The following MKLN1 variants were observed in gnomAD, a reference collection of about 807,000 sequenced individuals.
The protein encoded by MKLN1 is muskelin.
Under a neutral mutation model 99.0 loss-of-function variants are expected in MKLN1, and 18 were observed. That is an observed-to-expected ratio of 0.18 (90% confidence interval 0.13 to 0.27). The LOEUF is 0.27. Among genes scored for constraint, MKLN1 ranks in the 10% least tolerant of loss-of-function variants. The probability of loss-of-function intolerance (pLI) is 1.00; values close to 1 mark genes in which losing one functional copy is unlikely to be tolerated. For missense variants in MKLN1, 621 were observed against 875.9 expected, an observed-to-expected ratio of 0.71 and a Z score of 3.67; for synonymous variants, 288 against 293.2, an observed-to-expected ratio of 0.98 and a Z score of 0.18.
chr7:131,244,922 G>A (rs1436861821), intron 3 of MKLN1, among the ~76,000 whole-genome samples: 1 of 152,062 alleles, frequency 6.6e-6, no homozygotes, highest in East Asian at 1.9e-4. Flanking sequence ...CCTACACGGC[G>A]GCACCCTTTC....
At chr7:131,213,459 C>T (rs1247562381) in intron 3 of MKLN1, among the ~76,000 whole-genome samples, 1 of 152,138 alleles carries the variant, frequency 6.6e-6, no homozygotes, top group Non-Finnish European at 1.5e-5. Flanking sequence ...TGGTGCACAC[C>T]ATGTGAGGTT....
At chr7:131,215,529 G>T (rs923607920) in intron 3 of MKLN1, among the ~76,000 whole-genome samples, 6 of 149,532 alleles carry the variant, frequency 4.0e-5, no homozygotes, top group African/African-American at 2.5e-5. Flanking sequence ...ATTATCCGGG[G>T]ATCTTGCCCA....
chr7:131,477,810 T>C (rs1797009034), intron 16 of MKLN1, among the ~76,000 whole-genome samples: 1 of 152,228 alleles, frequency 6.6e-6, no homozygotes, highest in African/African-American at 2.4e-5. Flanking sequence ...ACTGCTCAAG[T>C]CTTGGGAAGT....
intron 3 of MKLN1, among the ~76,000 whole-genome samples, chr7:131,262,869 C>G (rs994322859): frequency 7.9e-5 from 12 of 152,074 alleles, no homozygotes; most frequent in Admixed American, 3.9e-4. Flanking sequence ...TCTTAAGGCT[C>G]TTTATTTAGA....
chr7:131,455,700 A>G (rs1011272558), intron 12 of MKLN1, among the ~76,000 whole-genome samples: 3 of 152,160 alleles, frequency 2.0e-5, no homozygotes, highest in Non-Finnish European at 4.4e-5. Context: ...AAAATCGTTT[A>G]TGTTGCAGGT....
chr7:131,328,404 C>CG (rs1175551133), intron 1 of MKLN1, among the ~76,000 whole-genome samples: 1 of 152,108 alleles, frequency 6.6e-6, no homozygotes, highest in Non-Finnish European at 1.5e-5. Context: ...TGGTCGGCGT[C>CG]GGGGGACAGT....
chr7:131,133,354 T>TTTC (rs1795590275), intron 1 of MKLN1, among the ~76,000 whole-genome samples: 2 of 34,650 alleles, frequency 5.8e-5, no homozygotes, highest in South Asian at 4.1e-3. Flanking sequence ...TCTTTCTTTC[T>TTTC]TTTTTTTTTT....
chr7:131,239,295 G>A (rs946262713), intron 3 of MKLN1, among the ~76,000 whole-genome samples: 2 of 151,462 alleles, frequency 1.3e-5, no homozygotes, highest in Non-Finnish European at 2.9e-5. Flanking sequence ...CGTATTATGT[G>A]TTACCTCATA....
At chr7:131,259,075 C>A (rs919583442) in intron 3 of MKLN1, among the ~76,000 whole-genome samples, 1 of 152,082 alleles carries the variant, frequency 6.6e-6, no homozygotes, top group South Asian at 2.1e-4. Context: ...TGGGTTGAAA[C>A]TTCTTCTCCA....
intron 1 of MKLN1, among the ~76,000 whole-genome samples, chr7:131,136,335 TG>T (rs1563227569): frequency 1.3e-5 from 2 of 152,226 alleles, no homozygotes; most frequent in Non-Finnish European, 2.9e-5. Flanking sequence ...TTGAAAATGC[TG>T]TACTTCAAAA....
At chr7:131,446,331 A>G (rs1796017035) in intron 12 of MKLN1, among the ~76,000 whole-genome samples, 2 of 152,312 alleles carry the variant, frequency 1.3e-5, no homozygotes, top group South Asian at 2.1e-4. Flanking sequence ...CTCAGCATCT[A>G]GGAGGTTATT....
chr7:131,169,593 A>G (rs1182137348), intron 2 of MKLN1, among the ~76,000 whole-genome samples: 1 of 152,216 alleles, frequency 6.6e-6, no homozygotes, highest in African/African-American at 2.4e-5. Context: ...ATTTTTTGAT[A>G]AAGCAAAATT....
chr7:131,252,329 CTTT>C (rs60581249), intron 3 of MKLN1, among the ~76,000 whole-genome samples: 4 of 118,530 alleles, frequency 3.4e-5, no homozygotes, highest in African/African-American at 9.5e-5. Context: ...TTTTTCTTTT[CTTT>C]TTTTTTTTTT....
chr7:131,244,677 G>GTGATGACGA (rs950084419), intron 3 of MKLN1, among the ~76,000 whole-genome samples: 1 of 152,198 alleles, frequency 6.6e-6, no homozygotes, highest in African/African-American at 2.4e-5. Context: ...GGTGATGACG[G>GTGATGACGA]TGATGACGAT....
intron 2 of MKLN1, among the ~76,000 whole-genome samples, chr7:131,188,769 T>A (rs569877106): frequency 6.6e-6 from 1 of 152,062 alleles, no homozygotes; most frequent in African/African-American, 2.4e-5. Flanking sequence ...ATGTTTGAAA[T>A]CACAAACAAT....
Position 131,226,333 on chromosome 7 carries a change from A to G in MKLN1, c.-179+23359A>G, listed in dbSNP as rs546116680. Among the ~76,000 whole-genome samples the G allele has an allele frequency of 6.8e-4, 104 of 152,336 alleles. 1 individual carries two copies. The highest frequency in any genetic ancestry group is 2.5e-3 in the African/African-American group (102 of 41,590). ...CAGTCTTTCAGAACTGCTGACTTCT[A>G]GTGCTTTTGAGTTCTGTGCTAGGAA... On this transcript the variant is annotated intron_variant, in intron 3 of 7. Transcript: ENST00000416992.
chr7:131,280,038 C>A (rs1798028601), intron 3 of MKLN1, among the ~76,000 whole-genome samples: 2 of 152,248 alleles, frequency 1.3e-5, no homozygotes, highest in African/African-American at 4.8e-5. Context: ...CTATTCTGGA[C>A]ATTTGGTATA....
chr7:131,463,969 A>G (rs1483549098), intron 13 of MKLN1, among the ~76,000 whole-genome samples: 1 of 152,222 alleles, frequency 6.6e-6, no homozygotes, highest in African/African-American at 2.4e-5. Flanking sequence ...GTCAAATGAC[A>G]GCAATGTATA....
chr7:131,408,739 G>T (rs1794782878), intron 6 of MKLN1, among the ~76,000 whole-genome samples: 1 of 152,130 alleles, frequency 6.6e-6, no homozygotes, highest in African/African-American at 2.4e-5. Context: ...AGGATTACAG[G>T]TGTGAGCCAC....
Sources: gnomAD v4.1 joint callset for allele counts (sites outside exome capture counted in the v4.1 genomes callset) on GRCh38, gnomAD v4.1.1 for gene constraint, MANE v1.5 for transcripts, NCBI Gene and HGNC (gene_info 2026-07-23, HGNC 2026-07-21) for gene names.